The following C14orf132 variants were observed in gnomAD, a reference collection of about 807,000 sequenced individuals.
C14orf132 encodes the protein uncharacterized protein C14orf132.
C14orf132 carries 6 observed loss-of-function variants against 5.8 expected under a neutral mutation model. The ratio of observed to expected loss-of-function variants is 1.03; its 90% confidence interval spans 0.57 to 2.04. The LOEUF (loss-of-function observed/expected upper bound fraction) is 2.04. Ranked by LOEUF, C14orf132 falls within the 30% of genes most tolerant of loss-of-function variation. C14orf132 has a pLI of 0.00. For synonymous variants in C14orf132, 51 were observed against 49.8 expected (o/e 1.02, Z -0.10); for missense variants, 125 against 115.8 (o/e 1.08, Z -0.37).
At chr14:96,048,142 C>A (rs1018831648) in intron 1 of C14orf132, among the ~76,000 whole-genome samples, 9 of 152,076 alleles carry the variant, frequency 5.9e-5, no homozygotes, top group African/African-American at 2.2e-4. Flanking sequence ...GAGCTGAGAT[C>A]GAGCCATTGC....
Position 96,049,622 on chromosome 14 carries a change from ATATATATACATATATACG to A in C14orf132, c.27+10104_27+10121del, listed in dbSNP as rs1162601315. ...TACGTATATATATACATATATACGT[ATATATATACATATATACG>A]TATATATATATATAGAGAGAGAGAG... On this transcript the variant is annotated intron_variant, in intron 1 of 1. Coordinates refer to ENST00000555004, the MANE Select transcript of C14orf132 (RefSeq NM_001252507.3). 8.7e-4 allele frequency among the ~76,000 whole-genome samples: 83 copies of A among 95,180 alleles called. 5 individuals are homozygous for A. Among genetic ancestry groups the A allele is most frequent in the African/African-American group, 3.9e-3 (77 of 19,940 alleles). 62.4% of individuals were successfully genotyped at this position (95,180 alleles called of 152,430 possible).
intron 1 of C14orf132, among the ~76,000 whole-genome samples, chr14:96,064,967 C>G (rs920181025): frequency 2.6e-5 from 4 of 152,242 alleles, no homozygotes; most frequent in African/African-American, 9.7e-5. Context: ...TGTGCACACA[C>G]ATGGTGCCAC....
intron 1 of C14orf132, among the ~76,000 whole-genome samples, chr14:96,049,640 G>GTA (rs1215535804): frequency 0.11 from 4,938 of 44,532 alleles, 1,127 homozygotes; most frequent in African/African-American, 0.42. Flanking sequence ...ACATATATAC[G>GTA]TATATATATA....
intron 1 of C14orf132, among the ~76,000 whole-genome samples, chr14:96,049,999 T>C (rs1886984302): frequency 6.6e-6 from 1 of 152,190 alleles, no homozygotes; most frequent in African/African-American, 2.4e-5. Context: ...TTGTTACCTG[T>C]AGCTTTTTGG....
At chr14:96,077,130 G>A (rs951958433) in intron 1 of C14orf132, among the ~76,000 whole-genome samples, 1 of 152,208 alleles carries the variant, frequency 6.6e-6, no homozygotes, top group Non-Finnish European at 1.5e-5. Flanking sequence ...TTGTCAGGTG[G>A]AAGGTTCAGT....
At chr14:96,078,379 G>A (rs758478132) in intron 1 of C14orf132, among the ~76,000 whole-genome samples, 6 of 152,194 alleles carry the variant, frequency 3.9e-5, no homozygotes, top group Non-Finnish European at 8.8e-5. Context: ...CTAGAGAGAG[G>A]GGGTTTCTTC....
In C14orf132 at chr14:96,086,300, A is replaced by G. The variant is rs1888182747; in HGVS notation, c.28-211A>G. On this transcript the variant is annotated intron_variant, in intron 1 of 1. Transcript: ENST00000555004. ...TTGATGCTTTCATAGTAGCGTGGGC[A>G]TGAGAATGTCTGCCTCAAAAGGCTG... Among the ~76,000 whole-genome samples, 3 of 152,188 alleles carry G rather than the reference A, an allele frequency of 2.0e-5. No individual in the cohort carries two copies. In the South Asian group the frequency reaches 6.2e-4, roughly 32 times the overall value.
chr14:96,044,143 T>A (rs935402812), intron 1 of C14orf132, among the ~76,000 whole-genome samples: 3 of 152,148 alleles, frequency 2.0e-5, no homozygotes, highest in Non-Finnish European at 4.4e-5. Context: ...ATCCAGGCGG[T>A]TGTGTTTGTG....
At position 96,090,355 on chromosome 14, in the gene C14orf132, C is replaced by T. The variant is rs546329549; in HGVS notation, c.*3620C>T. 5.2e-4 allele frequency: 135 copies of T among 260,566 alleles called. No individual in the cohort carries two copies. The highest frequency in any genetic ancestry group is 3.0e-3 in the African/African-American group (127 of 42,382). The allele number at this position is 260,566 out of a possible 1,614,324, so 16.1% of individuals were successfully genotyped here. A position where few individuals can be genotyped will look rare whatever the true frequency, so the allele number is the denominator to read the frequency against. On this transcript the variant is annotated 3_prime_UTR_variant, in exon 2 of 2. Transcript: ENST00000555004. ...GCAGTGAGCTGAGATTGTGCCACTG[C>T]ACTCCAGCCTGGGCAACAGAACGAG...
chr14:96,083,663 C>T (rs542456230), intron 1 of C14orf132, among the ~76,000 whole-genome samples: 3 of 152,160 alleles, frequency 2.0e-5, no homozygotes, highest in Admixed American at 1.3e-4. Flanking sequence ...CTGGGAAAGG[C>T]GAGAAAACAG....
chr14:96,065,015 C>G (rs1040183454), intron 1 of C14orf132, among the ~76,000 whole-genome samples: 1 of 152,130 alleles, frequency 6.6e-6, no homozygotes, highest in Non-Finnish European at 1.5e-5. Context: ...CTTCCTAACC[C>G]AGTGTGCTGT....
At chr14:96,080,705 G>A (rs1410948998) in intron 1 of C14orf132, among the ~76,000 whole-genome samples, 2 of 152,184 alleles carry the variant, frequency 1.3e-5, no homozygotes, top group Non-Finnish European at 1.5e-5. Context: ...TGTTGGGAAG[G>A]CAGGGCCCTC....
At chr14:96,068,312 G>C (rs1003027773) in intron 1 of C14orf132, among the ~76,000 whole-genome samples, 1 of 152,198 alleles carries the variant, frequency 6.6e-6, no homozygotes, top group African/African-American at 2.4e-5. Flanking sequence ...GCAGGGCTGG[G>C]CAAGTTAATG....
intron 1 of C14orf132, chr14:96,051,124 G>T (rs751246275): frequency 7.5e-6 from 3 of 398,472 alleles, no homozygotes; most frequent in Non-Finnish European, 1.3e-5. Flanking sequence ...TACTCTACAG[G>T]TCAAGTGAGC....
chr14:96,083,006 G>T (rs956845290), intron 1 of C14orf132, among the ~76,000 whole-genome samples: 1 of 152,034 alleles, frequency 6.6e-6, no homozygotes, highest in East Asian at 1.9e-4. Flanking sequence ...CATTTCCCAC[G>T]CTCTGAGACA....
intron 1 of C14orf132, among the ~76,000 whole-genome samples, chr14:96,053,864 G>A (rs1432724675): frequency 6.6e-6 from 1 of 152,178 alleles, no homozygotes; most frequent in African/African-American, 2.4e-5. Context: ...ACTCCAGGGA[G>A]TCAAGCCATA....
chr14:96,049,591 C>CAT (rs1176128221), intron 1 of C14orf132, among the ~76,000 whole-genome samples: 1 of 120,030 alleles, frequency 8.3e-6, no homozygotes, highest in South Asian at 2.5e-4. Flanking sequence ...TATATATATA[C>CAT]ATATATACGT....
intron 1 of C14orf132, among the ~76,000 whole-genome samples, chr14:96,075,487 G>A (rs769583489): frequency 7.9e-5 from 12 of 152,046 alleles, no homozygotes; most frequent in Non-Finnish European, 1.2e-4. Flanking sequence ...ACATCCTCTC[G>A]TATTCCTAGA....
chr14:96,072,336 C>A (rs1319229369), intron 1 of C14orf132, among the ~76,000 whole-genome samples: 2 of 152,140 alleles, frequency 1.3e-5, no homozygotes, highest in African/African-American at 4.8e-5. Flanking sequence ...TGGGGTCCAG[C>A]CTGACCCTGG....
Sources: allele counts gnomAD v4.1 joint callset (sites outside exome capture counted in the v4.1 genomes callset), GRCh38; gene constraint gnomAD v4.1.1; transcripts MANE v1.5; gene names NCBI Gene and HGNC (gene_info 2026-07-23, HGNC 2026-07-21).